Variants in LIMA1 observed in about 807,000 individuals in gnomAD.
The protein encoded by LIMA1 is LIM domain and actin binding 1.
LIMA1 carries 52 observed loss-of-function variants against 62.6 expected under a neutral mutation model. That is an observed-to-expected ratio of 0.83 (90% CI 0.67 to 1.05). The LOEUF is 1.05. Ranked by LOEUF, LIMA1 falls within the 50% of genes least tolerant of loss-of-function variation. The pLI, the probability that LIMA1 is intolerant of heterozygous loss-of-function variation, is 0.00. For synonymous variants in LIMA1, 302 were observed against 317.8 expected (o/e 0.95, Z 0.53); for missense variants, 780 against 902.2 (o/e 0.86, Z 1.74).
At chr12:50,253,015 T>C (rs1304530765) in intron 1 of LIMA1, among the ~76,000 whole-genome samples, 1 of 151,984 alleles carries the variant, frequency 6.6e-6, no homozygotes, top group East Asian at 1.9e-4. Flanking sequence ...TAGGTGGAAA[T>C]GGAAAAGTGG....
At chr12:50,270,604 CAAAAA>C (rs150300834) in intron 1 of LIMA1, among the ~76,000 whole-genome samples, 27 of 71,708 alleles carry the variant, frequency 3.8e-4, no homozygotes, top group African/African-American at 7.2e-4. Flanking sequence ...GACCTTATCT[CAAAAA>C]AAAAAAAAAA....
At chr12:50,210,427 A>AAAAAG (rs1941234460) in intron 4 of LIMA1, among the ~76,000 whole-genome samples, 1 of 151,586 alleles carries the variant, frequency 6.6e-6, no homozygotes, top group Non-Finnish European at 1.5e-5. Context: ...CCAAAAAAAA[A>AAAAAG]AAAAAAAAGA....
intron 2 of LIMA1, among the ~76,000 whole-genome samples, chr12:50,236,119 T>C (rs1941689587): frequency 2.0e-5 from 3 of 151,468 alleles, no homozygotes; most frequent in South Asian, 4.2e-4. Flanking sequence ...GAGCCGAGAT[T>C]GCACCACTGC....
intron 7 of LIMA1, among the ~76,000 whole-genome samples, chr12:50,199,460 C>T (rs771311813): frequency 1.3e-5 from 2 of 152,146 alleles, no homozygotes; most frequent in Admixed American, 6.6e-5. Flanking sequence ...TACTTCCACA[C>T]GTTCTTCAAG....
chr12:50,254,696 A>G (rs1173418612), intron 1 of LIMA1, among the ~76,000 whole-genome samples: 1 of 152,184 alleles, frequency 6.6e-6, no homozygotes, highest in Non-Finnish European at 1.5e-5. Flanking sequence ...TAACTGCTCC[A>G]AGAAACCTAT....
intron 6 of LIMA1, chr12:50,201,111 C>T: frequency 7.7e-7 from 1 of 1,296,740 alleles, no homozygotes; most frequent in South Asian, 1.7e-5. Context: ...TAGTGTAAAA[C>T]TGGATTGCTC....
intron 4 of LIMA1, among the ~76,000 whole-genome samples, chr12:50,208,748 C>T (rs1941199711): frequency 6.6e-6 from 1 of 151,702 alleles, no homozygotes; most frequent in Admixed American, 6.6e-5. Context: ...TGGTTCATGC[C>T]TGTAATCCCA....
At chr12:50,255,364 G>A (rs1045498634) in intron 1 of LIMA1, among the ~76,000 whole-genome samples, 1 of 151,966 alleles carries the variant, frequency 6.6e-6, no homozygotes, top group South Asian at 2.1e-4. Context: ...AGACCAGCCT[G>A]GGCAACATGG....
intron 1 of LIMA1, among the ~76,000 whole-genome samples, chr12:50,276,777 T>G (rs11169349): frequency 2.6e-5 from 4 of 151,466 alleles, no homozygotes; most frequent in African/African-American, 9.7e-5. Context: ...GGCTGAGGCA[T>G]GAGAATCACT....
intron 4 of LIMA1, among the ~76,000 whole-genome samples, chr12:50,216,612 G>A (rs1941349227): frequency 6.6e-6 from 1 of 152,118 alleles, no homozygotes; most frequent in African/African-American, 2.4e-5. Flanking sequence ...GGGCGCGGTA[G>A]CACTTTGGGA....
At chr12:50,277,877 A>G (rs747795327) in intron 1 of LIMA1, among the ~76,000 whole-genome samples, 1 of 152,280 alleles carries the variant, frequency 6.6e-6, no homozygotes, top group Non-Finnish European at 1.5e-5. Flanking sequence ...TAACCCAGAC[A>G]TAATTCACAG....
chr12:50,184,698 T>G (rs549066882), intron 9 of LIMA1, among the ~76,000 whole-genome samples: 1 of 152,256 alleles, frequency 6.6e-6, no homozygotes, highest in Admixed American at 6.5e-5. Flanking sequence ...TTTGGTGTAA[T>G]AGTATAATGG....
chr12:50,269,127 T>G (rs188420487), intron 1 of LIMA1, among the ~76,000 whole-genome samples: 85 of 152,324 alleles, frequency 5.6e-4, no homozygotes, highest in Admixed American at 1.6e-3. Context: ...AAATGTTCTC[T>G]TAGCACATTG....
Position 50,192,442 on chromosome 12 carries a change from G to A in LIMA1, c.1140+10C>T, listed in dbSNP as rs1178760082. 1 of 1,543,596 alleles carries A rather than the reference G, an allele frequency of 6.5e-7. No individual in the cohort carries two copies. The highest frequency in any genetic ancestry group is 9.0e-7 in the Non-Finnish European group (1 of 1,115,862). ...ATGTCCAAAGGCTCAGAGAGAAATT[G>A]CCATCATACCTTCATTGCTTTGGGA... On this transcript the variant is annotated intron_variant, in intron 9 of 10. Transcript: ENST00000341247.
chr12:50,203,412 A>G (rs965641249), intron 6 of LIMA1, among the ~76,000 whole-genome samples: 17 of 151,496 alleles, frequency 1.1e-4, no homozygotes, highest in Non-Finnish European at 1.6e-4. Context: ...TTTGAATACC[A>G]ATCTTTTTTT....
chr12:50,217,967 T>TG (rs1941375667), intron 4 of LIMA1: 1 of 151,904 alleles, frequency 6.6e-6, no homozygotes, highest in Non-Finnish European at 1.4e-5. Context: ...TGCAGTGGCG[T>TG]GATCTCGGCT....
At chr12:50,226,067 GAC>G (rs1941523310) in intron 3 of LIMA1, among the ~76,000 whole-genome samples, 1 of 151,764 alleles carries the variant, frequency 6.6e-6, no homozygotes, top group South Asian at 2.1e-4. Context: ...TTATTTTTGA[GAC>G]AGGTTCTTGC....
chr12:50,219,919 C>G (rs985152588), intron 4 of LIMA1, among the ~76,000 whole-genome samples: 2 of 151,990 alleles, frequency 1.3e-5, no homozygotes, highest in African/African-American at 2.4e-5. Context: ...CTCCTGGGCA[C>G]AAGCAATCCT....
intron 3 of LIMA1, among the ~76,000 whole-genome samples, chr12:50,225,425 CTTT>C (rs893727029): frequency 6.6e-6 from 1 of 152,120 alleles, no homozygotes; most frequent in African/African-American, 2.4e-5. Flanking sequence ...TATATGTTGT[CTTT>C]TTTTCTATTT....
Sources: allele counts gnomAD v4.1 joint callset (sites outside exome capture counted in the v4.1 genomes callset), GRCh38; gene constraint gnomAD v4.1.1; transcripts MANE v1.5; gene names NCBI Gene and HGNC (gene_info 2026-07-23, HGNC 2026-07-21).